HECW1: variants seen among roughly 807,000 people sequenced by gnomAD.
The protein encoded by HECW1 is E3 ubiquitin-protein ligase HECW1.
HECW1 carries 61 observed loss-of-function variants against 182.3 expected under a neutral mutation model. That is an observed-to-expected ratio of 0.33 (90% CI 0.27 to 0.41). The LOEUF is 0.41. Among genes scored for constraint, HECW1 ranks in the 10% least tolerant of loss-of-function variants. The pLI is 1.00. For missense variants in HECW1, 1,739 were observed against 2,108.9 expected, an observed-to-expected ratio of 0.82 and a Z score of 3.44; for synonymous variants, 859 against 832.6, an observed-to-expected ratio of 1.03 and a Z score of -0.55.
chr7:43,441,529 A>G, intron 9 of HECW1, among the ~76,000 whole-genome samples: 1 of 149,734 alleles, frequency 6.7e-6, no homozygotes, highest in East Asian at 1.9e-4. Flanking sequence ...AAGCAGGCCA[A>G]GGACATCCGT....
Position 43,243,980 on chromosome 7 carries a change from A to G in HECW1, c.27+48A>G. On this transcript the variant is annotated intron_variant, in intron 3 of 29. Transcript: ENST00000395891. The surrounding 1 kb of genome is among the most constrained non-coding windows in gnomAD (Gnocchi z 4.0). The stretch of plus-strand genomic sequence containing the variant: ...AAGAAACCATCCATGTCATTCCATT[A>G]TAAACCCACTCCACTCATAATGGAA... 7.1e-7 allele frequency: 1 copy of G among 1,414,730 alleles called. No individual in the cohort carries two copies. The highest frequency in any genetic ancestry group is 1.0e-6 in the Non-Finnish European group (1 of 997,772). 87.6% of individuals were successfully genotyped at this position (1,414,730 alleles called of 1,614,324 possible).
At position 43,493,234 on chromosome 7, in the gene HECW1, C is replaced by T. The variant is rs151245167; in HGVS notation, c.3437+54C>T. 4.6e-3 allele frequency: 5,620 copies of T among 1,232,974 alleles called. 22 individuals carry two copies. The highest frequency in any genetic ancestry group is 6.0e-3 in the Non-Finnish European group (5,071 of 843,472). The allele number at this position is 1,232,974 out of a possible 1,614,324, so 76.4% of individuals were successfully genotyped here. The stretch of plus-strand genomic sequence containing the variant: ...TCTAGGTCTTTCCAGCCATTTTTCC[C>T]GGTGGGAAAACACCTCTGTGGAGAC... On this transcript the variant is annotated intron_variant, in intron 19 of 29. Coordinates refer to ENST00000395891, the MANE Select transcript of HECW1 (RefSeq NM_015052.5).
chr7:43,431,540 CCT>C (rs2076548903), intron 8 of HECW1, among the ~76,000 whole-genome samples: 1 of 152,190 alleles, frequency 6.6e-6, no homozygotes, highest in South Asian at 2.1e-4. Context: ...TGATCTGCCT[CCT>C]CCAGGCCTGA....
intron 2 of HECW1, among the ~76,000 whole-genome samples, chr7:43,131,264 C>CA (rs991724659): frequency 1.3e-5 from 2 of 151,678 alleles, no homozygotes; most frequent in Non-Finnish European, 2.9e-5. Flanking sequence ...GACTCTATCT[C>CA]AAAAAAAAAT....
At chr7:43,368,640 T>G (rs1444680779) in intron 6 of HECW1, among the ~76,000 whole-genome samples, 1 of 152,186 alleles carries the variant, frequency 6.6e-6, no homozygotes, top group East Asian at 1.9e-4. Flanking sequence ...GAAGTTTAGA[T>G]TCTATCCTAG....
chr7:43,181,243 T>C (rs1176335780), intron 2 of HECW1, among the ~76,000 whole-genome samples: 5 of 150,994 alleles, frequency 3.3e-5, no homozygotes, highest in Admixed American at 3.3e-4. Flanking sequence ...TCCATTCATG[T>C]CTTGATGGAT....
At chr7:43,301,227 T>A (rs1806732515) in intron 3 of HECW1, among the ~76,000 whole-genome samples, 1 of 152,224 alleles carries the variant, frequency 6.6e-6, no homozygotes, top group African/African-American at 2.4e-5. Context: ...CTCTGCTGAA[T>A]CTGGAAGCTC....
At chr7:43,538,305 C>G (rs2081251035) in intron 24 of HECW1, among the ~76,000 whole-genome samples, 1 of 152,094 alleles carries the variant, frequency 6.6e-6, no homozygotes, top group Non-Finnish European at 1.5e-5. Context: ...TTCCTGAGGC[C>G]CAACTGCATT....
intron 3 of HECW1, among the ~76,000 whole-genome samples, chr7:43,254,814 T>C (rs1800395154): frequency 6.6e-6 from 1 of 152,186 alleles, no homozygotes; most frequent in South Asian, 2.1e-4. Flanking sequence ...GAACCAACTG[T>C]AACTGTATCT....
At chr7:43,407,035 C>T (rs2152844571) in intron 7 of HECW1, among the ~76,000 whole-genome samples, 1 of 152,274 alleles carries the variant, frequency 6.6e-6, no homozygotes, top group South Asian at 2.1e-4. Flanking sequence ...GTCTCTCTCT[C>T]CTTGTGCAGC....
rs773912709 is a variant in HECW1, at chr7:43,541,267, T to G, written c.4118+6T>G. 2 of 1,608,524 alleles carry G rather than the reference T, an allele frequency of 1.2e-6. No homozygotes were observed. Among genetic ancestry groups the G allele is most frequent in the Admixed American group, 3.3e-5 (2 of 60,018 alleles). ...TACAAGGCACTCCTGAGACTGTAAGTGCTTTGCAGACCATGCTTCCAACCC... is the reference window on the plus strand; with the variant it reads ...TACAAGGCACTCCTGAGACTGTAAGGGCTTTGCAGACCATGCTTCCAACCC... On this transcript the variant is annotated splice_donor_region_variant and intron_variant, in intron 25 of 29. Coordinates refer to ENST00000395891, the MANE Select transcript of HECW1 (RefSeq NM_015052.5).
intron 2 of HECW1, among the ~76,000 whole-genome samples, chr7:43,216,563 C>T (rs1796460353): frequency 6.6e-6 from 1 of 152,164 alleles, no homozygotes; most frequent in South Asian, 2.1e-4. Flanking sequence ...GAAGATGTTG[C>T]CTGGTACTGC....
At chr7:43,196,602 A>G (rs1794482191) in intron 2 of HECW1, among the ~76,000 whole-genome samples, 1 of 152,194 alleles carries the variant, frequency 6.6e-6, no homozygotes, top group South Asian at 2.1e-4. Context: ...TAATGCCCTC[A>G]GGATGAGTGC....
At chr7:43,275,402 A>G (rs1474400181) in intron 3 of HECW1, among the ~76,000 whole-genome samples, 1 of 152,192 alleles carries the variant, frequency 6.6e-6, no homozygotes, top group Non-Finnish European at 1.5e-5. Context: ...GAAATCTCTA[A>G]TATAATAATA....
chr7:43,313,499 G>A (rs1207455078), intron 4 of HECW1, among the ~76,000 whole-genome samples: 2 of 151,944 alleles, frequency 1.3e-5, no homozygotes, highest in Non-Finnish European at 1.5e-5. Flanking sequence ...CACCACGCCT[G>A]GCTAGTTTTG....
intron 6 of HECW1, among the ~76,000 whole-genome samples, chr7:43,376,560 G>A (rs2152823894): frequency 6.6e-6 from 1 of 152,014 alleles, no homozygotes; most frequent in East Asian, 1.9e-4. Flanking sequence ...ACATTTCACT[G>A]AAGGATAAAA....
chr7:43,425,066 T>C (rs182585327), intron 8 of HECW1, among the ~76,000 whole-genome samples: 8 of 152,040 alleles, frequency 5.3e-5, no homozygotes, highest in Admixed American at 4.6e-4. Flanking sequence ...GATAGAGTAA[T>C]CAGAAGGGGG....
chr7:43,326,828 T>G (rs943478977), intron 5 of HECW1, among the ~76,000 whole-genome samples: 1 of 152,216 alleles, frequency 6.6e-6, no homozygotes, highest in African/African-American at 2.4e-5. Context: ...GGGGAGCCGG[T>G]GGCCTTCTCT....
chr7:43,514,815 T>G (rs1431590313), intron 24 of HECW1, among the ~76,000 whole-genome samples: 1 of 152,196 alleles, frequency 6.6e-6, no homozygotes, highest in Admixed American at 6.5e-5. Flanking sequence ...TATAATGTTA[T>G]TATTACAACA....
Sources: gnomAD v4.1 joint callset for allele counts (sites outside exome capture counted in the v4.1 genomes callset) on GRCh38, gnomAD v4.1.1 for gene constraint, Gnocchi (gnomAD v3.1) non-coding constraint, MANE v1.5 for transcripts, NCBI Gene and HGNC (gene_info 2026-07-23, HGNC 2026-07-21) for gene names.